The following COA1 variants were observed in gnomAD, a reference collection of about 807,000 sequenced individuals.
The protein encoded by COA1 is cytochrome c oxidase assembly factor 1.
In COA1, 13 loss-of-function variants were observed where a neutral mutation model predicts 16.0. That is an observed-to-expected ratio of 0.81 (90% CI 0.53 to 1.29). COA1 has a LOEUF of 1.29. Ranked by LOEUF, COA1 falls within the 50% of genes most tolerant of loss-of-function variation. The pLI is 0.00. For synonymous variants in COA1, 65 were observed against 65.7 expected (o/e 0.99, Z 0.05); for missense variants, 179 against 177.0 (o/e 1.01, Z -0.06).
intron 6 of COA1, among the ~76,000 whole-genome samples, chr7:43,615,611 A>G (rs944826888): frequency 1.6e-4 from 25 of 152,136 alleles, no homozygotes; most frequent in African/African-American, 5.8e-4. Flanking sequence ...AACAAAGAAA[A>G]CGTGGCCTGC....
chr7:43,666,956 T>C (rs1414258010), intron 1 of COA1, among the ~76,000 whole-genome samples: 2 of 152,250 alleles, frequency 1.3e-5, no homozygotes, highest in African/African-American at 4.8e-5. Context: ...CTTAAGACAC[T>C]AATCTGCCCT....
chr7:43,684,939 G>A (rs2093948788), intron 1 of COA1, among the ~76,000 whole-genome samples: 1 of 152,126 alleles, frequency 6.6e-6, no homozygotes, highest in Non-Finnish European at 1.5e-5. Context: ...AGTGAAGAGA[G>A]TGAGAGATTC....
intron 6 of COA1, chr7:43,622,925 ACTC>A (rs1479089937): frequency 1.3e-5 from 2 of 150,474 alleles, no homozygotes; most frequent in Non-Finnish European, 2.9e-5. Flanking sequence ...CTGGTCTTGA[ACTC>A]CTGGTTCAAG....
intron 1 of COA1, among the ~76,000 whole-genome samples, chr7:43,691,054 C>CAAAAAAAAAAA (rs1173049196): frequency 7.5e-5 from 3 of 40,022 alleles, no homozygotes; most frequent in African/African-American, 1.0e-4. Context: ...CTCATCACTA[C>CAAAAAAAAAAA]AAAAAAAAAA....
At chr7:43,624,383 T>C (rs568311912) in intron 6 of COA1, 8 of 839,678 alleles carry the variant, frequency 9.5e-6, no homozygotes, top group Non-Finnish European at 1.4e-5. Context: ...CTAATAGTTT[T>C]ATTCAGGAAT....
chr7:43,631,039 T>A (rs548208524), intron 6 of COA1: 3 of 152,338 alleles, frequency 2.0e-5, no homozygotes, highest in Non-Finnish European at 4.4e-5. Context: ...CCATCGTTAT[T>A]CCTGACATCC....
intron 1 of COA1, among the ~76,000 whole-genome samples, chr7:43,697,073 G>A (rs905527544): frequency 4.6e-5 from 7 of 150,902 alleles, no homozygotes; most frequent in Admixed American, 2.0e-4. Flanking sequence ...GCAGTGAATC[G>A]AGATCATGCC....
downstream of COA1, among the ~76,000 whole-genome samples, chr7:43,636,771 C>CAAAG (rs937891363): frequency 2.0e-5 from 3 of 152,198 alleles, no homozygotes; most frequent in Non-Finnish European, 4.4e-5. Flanking sequence ...GAAAATTGAA[C>CAAAG]AAAGACAGTA....
chr7:43,696,240 C>G lies in COA1; in HGVS notation c.-39+33189G>C, dbSNP rs182711506. Among the ~76,000 whole-genome samples the G allele has an allele frequency of 3.9e-5, 6 of 152,276 alleles. No homozygotes were observed. The South Asian group carries it at 8.3e-4, about 21-fold the overall frequency. ...GTAAAGAGGCAAAGAGAAAATGAAC[C>G]AGCAGGGGAAATGCCAGATGCTTAT... On this transcript the variant is annotated intron_variant, in intron 1 of 5. Transcript: ENST00000223336.
At chr7:43,654,041 C>A (rs2091321287) in intron 1 of COA1, among the ~76,000 whole-genome samples, 1 of 152,136 alleles carries the variant, frequency 6.6e-6, no homozygotes, top group African/African-American at 2.4e-5. Context: ...GAAATTTCCA[C>A]TAACCACAAT....
intron 6 of COA1, chr7:43,624,396 C>A: frequency 1.1e-6 from 1 of 911,850 alleles, no homozygotes; most frequent in Non-Finnish European, 1.6e-6. Flanking sequence ...TCAGGAATCA[C>A]AGTAAGATTT....
At chr7:43,648,400 C>A (rs1188816869) in intron 2 of COA1, 200 bp downstream of exon 2, 1 of 687,764 alleles carries the variant, frequency 1.5e-6, no homozygotes, top group Non-Finnish European at 2.6e-6. Context: ...GCTTCCAACG[C>A]CAGCATGAGA....
At chr7:43,612,790 T>C (rs1029982222) in intron 6 of COA1, among the ~76,000 whole-genome samples, 3 of 150,814 alleles carry the variant, frequency 2.0e-5, no homozygotes, top group Admixed American at 6.7e-5. Flanking sequence ...ATATCTTAAA[T>C]AGAGCTGGGA....
chr7:43,664,354 T>C lies in COA1; in HGVS notation c.-38-15702A>G, dbSNP rs1267324600. On this transcript the variant is annotated intron_variant, in intron 1 of 5. Coordinates refer to ENST00000223336, the MANE Select transcript of COA1 (RefSeq NM_018224.4). ...AGGTGACCAAATTCCCTTCCTTTTT[T>C]AGGCTAAATAATACTGTGTCCATAT... Among the ~76,000 whole-genome samples the C allele has an allele frequency of 2.6e-5, 4 of 152,198 alleles. 1 individual carries two copies. In the South Asian group the frequency reaches 6.2e-4, roughly 24 times the overall value.
At chr7:43,624,627 CAAG>C in intron 6 of COA1, 4 of 1,614,070 alleles carry the variant, frequency 2.5e-6, no homozygotes, top group Non-Finnish European at 3.4e-6. Flanking sequence ...AAATGCCCTC[CAAG>C]AAGGTCATTC....
chr7:43,702,026 G>C (rs1415822595), intron 1 of COA1, among the ~76,000 whole-genome samples: 1 of 151,874 alleles, frequency 6.6e-6, no homozygotes, highest in African/African-American at 2.4e-5. Flanking sequence ...ACTCTGTAGG[G>C]TATCTGTTTA....
chr7:43,716,796 T>G (rs2095404937), intron 1 of COA1, among the ~76,000 whole-genome samples: 2 of 152,164 alleles, frequency 1.3e-5, no homozygotes, highest in Non-Finnish European at 2.9e-5. Context: ...AAAGTGGTTT[T>G]GTGGTCCAGG....
chr7:43,694,184 C>A (rs2094458974), intron 1 of COA1, among the ~76,000 whole-genome samples: 1 of 148,522 alleles, frequency 6.7e-6, no homozygotes, highest in Non-Finnish European at 1.5e-5. Context: ...ATTCTCCCAT[C>A]TCATGAATCA....
At chr7:43,701,961 T>C (rs1313416550) in intron 1 of COA1, among the ~76,000 whole-genome samples, 1 of 152,146 alleles carries the variant, frequency 6.6e-6, no homozygotes, top group Non-Finnish European at 1.5e-5. Flanking sequence ...AAGTTCCTTA[T>C]AGATTCTGGA....
Sources: allele counts gnomAD v4.1 joint callset (sites outside exome capture counted in the v4.1 genomes callset), GRCh38; gene constraint gnomAD v4.1.1; transcripts MANE v1.5; gene names NCBI Gene and HGNC (gene_info 2026-07-23, HGNC 2026-07-21).